The following SNTG1 variants were observed in gnomAD, a reference collection of about 807,000 sequenced individuals.
SNTG1 encodes the protein syntrophin gamma 1, also known as gamma-1-syntrophin.
In SNTG1, 39 loss-of-function variants were observed where a neutral mutation model predicts 74.7. That is an observed-to-expected ratio of 0.52 (90% CI 0.40 to 0.68). SNTG1 has a LOEUF of 0.68. Among genes scored for constraint, SNTG1 ranks in the 30% least tolerant of loss-of-function variants. SNTG1 has a pLI of 0.00. For missense variants in SNTG1, 685 were observed against 609.5 expected, an observed-to-expected ratio of 1.12 and a Z score of -1.30; for synonymous variants, 254 against 217.1, an observed-to-expected ratio of 1.17 and a Z score of -1.49.
chr8:50,212,337 G>A (rs953908277), intron 2 of SNTG1, among the ~76,000 whole-genome samples: 3 of 152,142 alleles, frequency 2.0e-5, no homozygotes, highest in Non-Finnish European at 4.4e-5. Context: ...ATGAATGATA[G>A]AGATTTTATC....
chr8:50,411,937 G>T (rs931877167), intron 4 of SNTG1, among the ~76,000 whole-genome samples: 3 of 152,088 alleles, frequency 2.0e-5, no homozygotes, highest in Non-Finnish European at 2.9e-5. Flanking sequence ...CAGTCCCCAG[G>T]GACTACTGCC....
intron 2 of SNTG1, among the ~76,000 whole-genome samples, chr8:50,240,525 TA>T (rs1156683075): frequency 6.6e-6 from 1 of 152,214 alleles, no homozygotes; most frequent in African/African-American, 2.4e-5. Flanking sequence ...TAGAACAAAC[TA>T]AACCTATCAC....
chr8:50,227,191 A>C (rs1456194865), intron 2 of SNTG1, among the ~76,000 whole-genome samples: 1 of 152,182 alleles, frequency 6.6e-6, no homozygotes, highest in Non-Finnish European at 1.5e-5. Flanking sequence ...GTGGAGAAGA[A>C]GGCCCTGAAC....
chr8:50,509,580 C>G (rs1241697060), intron 9 of SNTG1, among the ~76,000 whole-genome samples: 2 of 152,100 alleles, frequency 1.3e-5, no homozygotes, highest in African/African-American at 2.4e-5. Context: ...TTTGTATCCT[C>G]TTGTATTTCA....
Position 50,370,648 on chromosome 8 carries a change from G to T in SNTG1, c.-27-23564G>T, listed in dbSNP as rs546070904. On this transcript the variant is annotated intron_variant, in intron 2 of 18. Coordinates refer to ENST00000642720, the MANE Select transcript of SNTG1 (RefSeq NM_018967.5). ...AAAACCTATAATGGCCTCCCCAAAGGCAGTTACTAGGCAAGGTAATGCCAT... is the reference window on the plus strand; with the variant it reads ...AAAACCTATAATGGCCTCCCCAAAGTCAGTTACTAGGCAAGGTAATGCCAT... Among the ~76,000 whole-genome samples the T allele has an allele frequency of 2.6e-5, 4 of 152,078 alleles. No individual in the cohort carries two copies. In the East Asian group the frequency reaches 7.8e-4, roughly 30 times the overall value.
intron 1 of SNTG1, among the ~76,000 whole-genome samples, chr8:49,956,158 C>A (rs370521512): frequency 2.6e-5 from 4 of 152,146 alleles, no homozygotes; most frequent in Non-Finnish European, 1.5e-5. Context: ...TTTCATTTTG[C>A]AGAAAGATGT....
intron 2 of SNTG1, among the ~76,000 whole-genome samples, chr8:50,210,334 C>T (rs560590057): frequency 5.3e-5 from 8 of 152,160 alleles, no homozygotes; most frequent in African/African-American, 1.9e-4. Flanking sequence ...ACTTCCCCAA[C>T]CTAGCAAGGC....
intron 2 of SNTG1, among the ~76,000 whole-genome samples, chr8:50,305,768 A>G (rs959933155): frequency 1.3e-5 from 2 of 152,076 alleles, no homozygotes; most frequent in African/African-American, 4.8e-5. Context: ...GGTTCAATGA[A>G]TTGGATGTTG....
chr8:50,006,717 G>T (rs983123900), intron 1 of SNTG1, among the ~76,000 whole-genome samples: 2 of 152,142 alleles, frequency 1.3e-5, no homozygotes, highest in Non-Finnish European at 2.9e-5. Flanking sequence ...TACTGATGCT[G>T]CTTTGGGTGA....
chr8:50,218,137 A>T (rs959166885), intron 2 of SNTG1, among the ~76,000 whole-genome samples: 1 of 152,158 alleles, frequency 6.6e-6, no homozygotes, highest in Admixed American at 6.5e-5. Flanking sequence ...TTCACTCTCA[A>T]TGTAAATGTT....
At chr8:50,493,930 T>C (rs2093881074) in intron 8 of SNTG1, among the ~76,000 whole-genome samples, 3 of 151,704 alleles carry the variant, frequency 2.0e-5, no homozygotes, top group African/African-American at 2.4e-5. Context: ...TACAGGTAAA[T>C]AAAAAATTGA....
chr8:50,305,641 T>C (rs2089860340), intron 2 of SNTG1, among the ~76,000 whole-genome samples: 1 of 152,022 alleles, frequency 6.6e-6, no homozygotes, highest in Non-Finnish European at 1.5e-5. Context: ...TTTCACTATA[T>C]ATGTGTTAGA....
chr8:50,174,855 TC>T lies in SNTG1; in HGVS notation c.-28+2226del, dbSNP rs1000081759. Among the ~76,000 whole-genome samples the T allele has an allele frequency of 3.6e-5, 4 of 111,798 alleles. No homozygotes were observed. The South Asian group carries it at 1.1e-3, about 31-fold the overall frequency. The allele number at this position is 111,798 out of a possible 152,430, so 73.3% of individuals were successfully genotyped here. The stretch of plus-strand genomic sequence containing the variant: ...TAGGTATATCTCGTAATGCTATCCC[TC>T]CCCCCTCCCCCCACCCCACAACAGT... On this transcript the variant is annotated intron_variant, in intron 2 of 18. Transcript: ENST00000642720.
intron 2 of SNTG1, 63 bp from the exon 3 acceptor site, chr8:50,394,149 A>G: frequency 1.5e-6 from 2 of 1,324,552 alleles, no homozygotes; most frequent in Middle Eastern, 1.9e-4. Context: ...CCTCCACTAT[A>G]TTAGTGTTCT....
chr8:50,284,974 T>A (rs528139912), intron 2 of SNTG1, among the ~76,000 whole-genome samples: 1 of 152,294 alleles, frequency 6.6e-6, no homozygotes, highest in Admixed American at 6.5e-5. Flanking sequence ...TGAGCCTCAG[T>A]GTATTCCTTC....
intron 2 of SNTG1, among the ~76,000 whole-genome samples, chr8:50,212,757 A>G (rs954298372): frequency 1.5e-4 from 23 of 152,186 alleles, no homozygotes; most frequent in Non-Finnish European, 4.4e-5. Context: ...TGTTGAATGG[A>G]ACAGATCAGA....
chr8:50,436,921 C>T (rs1367840527), intron 4 of SNTG1, among the ~76,000 whole-genome samples: 1 of 151,990 alleles, frequency 6.6e-6, no homozygotes, highest in Non-Finnish European at 1.5e-5. Flanking sequence ...AATATATCTT[C>T]CCGTATTTGT....
Position 50,755,015 on chromosome 8 carries a change from C to T in SNTG1, c.1395+2904C>T, listed in dbSNP as rs142442684. The stretch of plus-strand genomic sequence containing the variant: ...TAAGGTACAAAAATTTCCTGTATAC[C>T]ACCTGTCCCTACACAAGCACAGCCC... On this transcript the variant is annotated intron_variant, in intron 18 of 18. Transcript: ENST00000642720. 3.7e-3 allele frequency among the ~76,000 whole-genome samples: 555 copies of T among 151,624 alleles called. 3 individuals carry two copies. The highest frequency in any genetic ancestry group is 0.012 in the African/African-American group (513 of 41,394).
chr8:50,511,723 G>T (rs2094078031), intron 9 of SNTG1, among the ~76,000 whole-genome samples: 2 of 152,090 alleles, frequency 1.3e-5, no homozygotes, highest in African/African-American at 4.8e-5. Flanking sequence ...TTTTATCAGA[G>T]ACTAGGATTG....
Sources: gnomAD v4.1 joint callset for allele counts (sites outside exome capture counted in the v4.1 genomes callset) on GRCh38, gnomAD v4.1.1 for gene constraint, MANE v1.5 for transcripts, NCBI Gene and HGNC (gene_info 2026-07-23, HGNC 2026-07-21) for gene names.